MTCL1: variants seen among roughly 807,000 people sequenced by gnomAD.
MTCL1 encodes microtubule cross-linking factor 1.
In MTCL1, 79 loss-of-function variants were observed where a neutral mutation model predicts 141.4. The observed-to-expected ratio is 0.56, with a 90% confidence interval of 0.47 to 0.67. The LOEUF (loss-of-function observed/expected upper bound fraction) is 0.67. Ranked by LOEUF, MTCL1 falls within the 30% of genes least tolerant of loss-of-function variation. MTCL1 has a pLI of 0.00. For synonymous variants in MTCL1, 914 were observed against 875.8 expected, an observed-to-expected ratio of 1.04 and a Z score of -0.77; for missense variants, 2,177 against 2,113.9, an observed-to-expected ratio of 1.03 and a Z score of -0.59.
intron 8 of MTCL1, among the ~76,000 whole-genome samples, 155 bp downstream of exon 7, chr18:8,793,275 C>T (rs558288982): frequency 7.2e-5 from 11 of 152,314 alleles, no homozygotes; most frequent in Admixed American, 5.9e-4. Context: ...CAAGCTGTCC[C>T]CTCTCAGACA....
At chr18:8,787,415 T>C (rs2096560196) in intron 7 of MTCL1, 1 of 152,652 alleles carries the variant, frequency 6.6e-6, no homozygotes, top group Non-Finnish European at 1.5e-5. Flanking sequence ...GTGGCAGAAC[T>C]GGGTCTAGAA....
At chr18:8,786,594 GCAGTGTCTGTCACCA>G in intron 7 of MTCL1, 1 of 349,450 alleles carries the variant, frequency 2.9e-6, no homozygotes, top group Non-Finnish European at 5.7e-6. Flanking sequence ...GGCACCCCTA[GCAGTGTCTGTCACCA>G]CAGTAACCCG....
intron 4 of MTCL1, among the ~76,000 whole-genome samples, chr18:8,756,709 C>T (rs1004309092): frequency 6.6e-6 from 1 of 152,100 alleles, no homozygotes; most frequent in Non-Finnish European, 1.5e-5. Flanking sequence ...TCTCTTTATG[C>T]AGTGAGGTCC....
intron 4 of MTCL1, among the ~76,000 whole-genome samples, chr18:8,763,084 A>G (rs1203421650): frequency 2.0e-5 from 3 of 152,160 alleles, no homozygotes; most frequent in African/African-American, 4.8e-5. Context: ...TCTCCCCCCA[A>G]CCAAGCCCGC....
At chr18:8,769,902 C>G (rs1347552343) in intron 4 of MTCL1, among the ~76,000 whole-genome samples, 1 of 152,232 alleles carries the variant, frequency 6.6e-6, no homozygotes, top group Non-Finnish European at 1.5e-5. Context: ...AGCCTCAGAT[C>G]CTTTGAGAAA....
intron 4 of MTCL1, among the ~76,000 whole-genome samples, chr18:8,730,626 CG>C (rs1302117270): frequency 6.6e-6 from 1 of 152,196 alleles, no homozygotes; most frequent in Non-Finnish European, 1.5e-5. Flanking sequence ...TGGACAACGC[CG>C]GCTTGTCCCC....
intron 11 of MTCL1, chr18:8,809,648 T>C (rs756884125): frequency 4.0e-6 from 6 of 1,508,568 alleles, no homozygotes; most frequent in Non-Finnish European, 5.3e-6. Context: ...AAGTAGAGAG[T>C]GGCCGGGCCT....
intron 1 of MTCL1, among the ~76,000 whole-genome samples, chr18:8,710,888 C>CTTTTTTTTTTTT (rs71356255): frequency 1.2e-5 from 1 of 80,932 alleles, no homozygotes; most frequent in African/African-American, 5.2e-5. Flanking sequence ...TTTTTTTTTA[C>CTTTTTTTTTTTT]TTTTTTTTTT....
At chr18:8,832,027 A>G in exon 17 of MTCL1, 1 of 598,624 alleles carries the variant, frequency 1.7e-6, no homozygotes, top group Non-Finnish European at 2.9e-6. Flanking sequence ...TAGCTCAGAA[A>G]ACTATTTTTG....
intron 10 of MTCL1, among the ~76,000 whole-genome samples, chr18:8,803,727 ATAT>A (rs2076200065): frequency 6.6e-6 from 1 of 152,328 alleles, no homozygotes; most frequent in East Asian, 1.9e-4. Flanking sequence ...GCAATGATTA[ATAT>A]TATCCTGGTT....
intron 10 of MTCL1, among the ~76,000 whole-genome samples, chr18:8,802,596 A>G (rs1379788302): frequency 6.6e-6 from 1 of 152,248 alleles, no homozygotes; most frequent in Non-Finnish European, 1.5e-5. Flanking sequence ...AGACTTGGAT[A>G]TTAGACTTGG....
intron 4 of MTCL1, among the ~76,000 whole-genome samples, chr18:8,721,610 G>A (rs193263015): frequency 3.3e-5 from 5 of 151,808 alleles, no homozygotes; most frequent in Admixed American, 3.3e-4. Context: ...TATCTCTTTC[G>A]GGTCCTTGCT....
At chr18:8,800,912 T>A (rs201050191) in intron 10 of MTCL1, 14 of 145,796 alleles carry the variant, frequency 9.6e-5, no homozygotes, top group Non-Finnish European at 1.5e-4. Flanking sequence ...AACAACTAAG[T>A]AAAAAAAAAA....
intron 9 of MTCL1, among the ~76,000 whole-genome samples, chr18:8,797,046 C>T (rs537738082): frequency 8.3e-4 from 127 of 152,314 alleles, no homozygotes; most frequent in South Asian, 1.7e-3. Context: ...TTCTGTGCTA[C>T]GCTCTGACCT....
upstream of MTCL1, among the ~76,000 whole-genome samples, chr18:8,716,987 G>A (rs993637938): frequency 6.6e-6 from 1 of 152,258 alleles, no homozygotes; most frequent in Middle Eastern, 3.4e-3. Flanking sequence ...TTTCATCACT[G>A]GGCTGCAAGA....
chr18:8,746,982 G>A (rs1190091970), intron 4 of MTCL1, among the ~76,000 whole-genome samples: 4 of 152,170 alleles, frequency 2.6e-5, no homozygotes, highest in African/African-American at 4.8e-5. Context: ...TGCCAGTTCC[G>A]TCTCTCCACC....
At chr18:8,815,033 A>G (rs2076605645) in intron 12 of MTCL1, among the ~76,000 whole-genome samples, 1 of 152,148 alleles carries the variant, frequency 6.6e-6, no homozygotes, top group African/African-American at 2.4e-5. Context: ...GGGACTGTAA[A>G]CTAGTTCAAC....
chr18:8,738,623 T>C (rs2096285602), intron 4 of MTCL1, among the ~76,000 whole-genome samples: 1 of 152,222 alleles, frequency 6.6e-6, no homozygotes, highest in Admixed American at 6.5e-5. Context: ...GACACTTCTT[T>C]TGAGTTTCTC....
intron 14 of MTCL1, 107 bp from the exon 14 acceptor site, chr18:8,824,592 C>A (rs610915): frequency 0.33 from 290,351 of 878,320 alleles, 50,667 homozygotes; most frequent in African/African-American, 0.55. Flanking sequence ...GTGTGGGTGG[C>A]AGCGGGTGCC....
Sources: gnomAD v4.1 joint callset for allele counts (sites outside exome capture counted in the v4.1 genomes callset) on GRCh38, gnomAD v4.1.1 for gene constraint, MANE v1.5 for transcripts, NCBI Gene and HGNC (gene_info 2026-07-23, HGNC 2026-07-21) for gene names.